Variants in SYTL3 observed in about 807,000 individuals in gnomAD.
SYTL3 encodes synaptotagmin-like protein 3.
A neutral mutation model predicts 82.1 loss-of-function variants in SYTL3; 88 were observed. The ratio of observed to expected loss-of-function variants is 1.07; its 90% CI spans 0.90 to 1.28. The LOEUF (loss-of-function observed/expected upper bound fraction) is 1.28, where lower values mean the gene tolerates loss of function less well. Among genes scored for constraint, SYTL3 ranks in the 50% most tolerant of loss-of-function variants. The probability of loss-of-function intolerance (pLI) is 0.00; values close to 1 mark genes in which losing one functional copy is unlikely to be tolerated. For synonymous variants in SYTL3, 311 were observed against 289.4 expected, an observed-to-expected ratio of 1.07 and a Z score of -0.76; for missense variants, 831 against 757.6, an observed-to-expected ratio of 1.10 and a Z score of -1.14.
At chr6:158,729,510 CT>C (rs1785136066) in intron 11 of SYTL3, among the ~76,000 whole-genome samples, 1 of 151,762 alleles carries the variant, frequency 6.6e-6, no homozygotes, top group African/African-American at 2.4e-5. Flanking sequence ...ATACTTGGAT[CT>C]TTCAAGCTGC....
rs138729983 is a variant in SYTL3, at chr6:158,729,648, G to C, written c.855+4011G>C. 4.0e-3 allele frequency among the ~76,000 whole-genome samples: 593 copies of C among 148,406 alleles called. 3 individuals carry two copies. Among genetic ancestry groups the C allele is most frequent in the African/African-American group, 0.013 (506 of 40,150 alleles). ...GTGGTGCGATCTCAGCTCACTGCAA[G>C]CTCCGCCTCTCTGGTTCACGCCATT... On this transcript the variant is annotated intron_variant, in intron 11 of 17. Transcript: ENST00000611299.
At chr6:158,750,953 G>A (rs968882723) in intron 12 of SYTL3, among the ~76,000 whole-genome samples, 1 of 152,062 alleles carries the variant, frequency 6.6e-6, no homozygotes, top group Non-Finnish European at 1.5e-5. Context: ...ATGCCATCAT[G>A]CCTGGCTAAT....
chr6:158,703,812 ATATTATTATCATTAT>A (rs369795180), intron 6 of SYTL3, among the ~76,000 whole-genome samples: 43 of 122,656 alleles, frequency 3.5e-4, no homozygotes, highest in Non-Finnish European at 4.6e-4. Context: ...AGTGGGTTTT[ATATTATTATCATTAT>A]TATTATTATT....
chr6:158,660,422 C>T (rs938367861), intron 2 of SYTL3, among the ~76,000 whole-genome samples: 2 of 152,234 alleles, frequency 1.3e-5, no homozygotes, highest in African/African-American at 2.4e-5. Flanking sequence ...CTAGGGGGAG[C>T]GTGAGCTCCC....
chr6:158,681,662 GAAA>G (rs1778713019), intron 5 of SYTL3, among the ~76,000 whole-genome samples: 1 of 152,028 alleles, frequency 6.6e-6, no homozygotes, highest in South Asian at 2.1e-4. Context: ...TGGGCCACCA[GAAA>G]AACAACAACA....
rs181984567 is a variant in SYTL3, at chr6:158,658,860, C to T, written c.-636-2409C>T. On this transcript the variant is annotated intron_variant, in intron 2 of 17. Transcript: ENST00000611299. ...AGGAGAATCACTTGAACCTGGGAGGCGGACGTTGCAGTGAGCAGAGATCAT... is the reference window on the plus strand; with the variant it reads ...AGGAGAATCACTTGAACCTGGGAGGTGGACGTTGCAGTGAGCAGAGATCAT... Among the ~76,000 whole-genome samples the T allele has an allele frequency of 2.0e-3, 305 of 152,208 alleles. 1 individual carries two copies. The highest frequency in any genetic ancestry group is 7.1e-3 in the African/African-American group (293 of 41,518).
At chr6:158,697,758 T>A (rs1780721852) in intron 6 of SYTL3, among the ~76,000 whole-genome samples, 1 of 152,138 alleles carries the variant, frequency 6.6e-6, no homozygotes, top group East Asian at 1.9e-4. Flanking sequence ...TTGCCCCAGG[T>A]ACTCACCAAA....
chr6:158,691,566 C>CT (rs997900440), intron 6 of SYTL3, among the ~76,000 whole-genome samples: 4 of 152,058 alleles, frequency 2.6e-5, no homozygotes, highest in South Asian at 2.1e-4. Flanking sequence ...ACCTCTTTTA[C>CT]TTTTTTTCTT....
chr6:158,689,897 G>A (rs184645930), intron 6 of SYTL3, among the ~76,000 whole-genome samples: 170 of 152,158 alleles, frequency 1.1e-3, no homozygotes, highest in African/African-American at 4.0e-3. Context: ...CAAGTGATTC[G>A]CCTGCCTTGG....
At chr6:158,669,648 G>C (rs1470407524) in intron 5 of SYTL3, among the ~76,000 whole-genome samples, 2 of 152,216 alleles carry the variant, frequency 1.3e-5, no homozygotes, top group African/African-American at 4.8e-5. Flanking sequence ...TGCCAACAAA[G>C]AGCTGCTTAA....
chr6:158,672,467 T>C (rs534689243), intron 5 of SYTL3, among the ~76,000 whole-genome samples: 1 of 152,268 alleles, frequency 6.6e-6, no homozygotes, highest in East Asian at 1.9e-4. Context: ...GAATTTAACA[T>C]TATGGAGACA....
chr6:158,760,865 A>T, intron 15 of SYTL3, 120 bp downstream of exon 15: 1 of 724,854 alleles, frequency 1.4e-6, no homozygotes. Flanking sequence ...CCCCGTGCCC[A>T]GCTCCAGCAG....
rs199773496 is a variant in SYTL3 at position 158,674,125 on chromosome 6, G to T, written c.329+8512G>T. On this transcript the variant is annotated intron_variant, in intron 5 of 17. Transcript: ENST00000611299. ...TAATAATAATAATAATAATAATGAT[G>T]ATGATGATGATAATCTTCTCCCTCA... is the stretch of plus-strand genomic sequence containing the variant. 9.7e-3 allele frequency among the ~76,000 whole-genome samples: 1,238 copies of T among 127,722 alleles called. 8 individuals are homozygous for T. The highest frequency in any genetic ancestry group is 0.024 in the South Asian group (95 of 3,970). 83.8% of individuals were successfully genotyped at this position (127,722 alleles called of 152,430 possible). A position where few individuals can be genotyped will look rare whatever the true frequency, so the allele number is the denominator to read the frequency against.
intron 12 of SYTL3, among the ~76,000 whole-genome samples, chr6:158,750,224 C>T (rs1021291900): frequency 6.6e-6 from 1 of 152,100 alleles, no homozygotes; most frequent in African/African-American, 2.4e-5. Context: ...TAAGGAGACA[C>T]ATCAAAATGG....
Position 158,704,856 on chromosome 6 carries a change from CCA to C in SYTL3, c.395-2373_395-2372del, listed in dbSNP as rs1562399060. ...TAAGGCCACATAGGGCAGGAGGGACCCAGGGCAGGGTGACAGTGAGGGCTGTA... is the reference window on the plus strand; with the variant it reads ...TAAGGCCACATAGGGCAGGAGGGACCGGGCAGGGTGACAGTGAGGGCTGTA... On this transcript the variant is annotated intron_variant, in intron 6 of 17. Coordinates refer to ENST00000611299, the MANE Select transcript of SYTL3 (RefSeq NM_001242394.2). 7.6e-3 allele frequency among the ~76,000 whole-genome samples: 691 copies of C among 90,484 alleles called. 22 individuals are homozygous for C. The highest frequency in any genetic ancestry group is 0.057 in the African/African-American group (646 of 11,366). 59.4% of individuals were successfully genotyped at this position (90,484 alleles called of 152,430 possible).
chr6:158,756,800 G>A (rs920307940), intron 13 of SYTL3, among the ~76,000 whole-genome samples: 4 of 143,646 alleles, frequency 2.8e-5, no homozygotes, highest in Non-Finnish European at 4.5e-5. Flanking sequence ...GCTGGGTGCA[G>A]TGTTTAGATG....
chr6:158,741,961 T>C (rs981787464), intron 11 of SYTL3, among the ~76,000 whole-genome samples: 3 of 152,258 alleles, frequency 2.0e-5, no homozygotes, highest in Non-Finnish European at 4.4e-5. Context: ...ACTACGCTCC[T>C]CATCTTCAAG....
chr6:158,763,752 C>T (rs996290880), intron 17 of SYTL3, among the ~76,000 whole-genome samples: 21 of 152,274 alleles, frequency 1.4e-4, no homozygotes, highest in South Asian at 6.2e-4. Flanking sequence ...GGCCTCCAAA[C>T]GGGCTAGGTA....
chr6:158,658,488 G>A (rs1224322257), intron 2 of SYTL3, among the ~76,000 whole-genome samples: 1 of 152,158 alleles, frequency 6.6e-6, no homozygotes, highest in Non-Finnish European at 1.5e-5. Context: ...GACACCAGTG[G>A]AACACTGGAA....
Sources: allele counts gnomAD v4.1 joint callset (sites outside exome capture counted in the v4.1 genomes callset), GRCh38; gene constraint gnomAD v4.1.1; transcripts MANE v1.5; gene names NCBI Gene and HGNC (gene_info 2026-07-23, HGNC 2026-07-21).